The following KPNA1 variants were observed in gnomAD, a reference collection of about 807,000 sequenced individuals.
KPNA1 encodes karyopherin subunit alpha 1.
A neutral mutation model predicts 70.5 loss-of-function variants in KPNA1; 10 were observed. The observed-to-expected ratio is 0.14, with a 90% CI of 0.09 to 0.24. The LOEUF is 0.24. Among genes scored for constraint, KPNA1 ranks in the 10% least tolerant of loss-of-function variants. KPNA1 has a pLI of 1.00. For missense variants in KPNA1, 397 were observed against 637.9 expected, an observed-to-expected ratio of 0.62 and a Z score of 4.07; for synonymous variants, 192 against 221.9, an observed-to-expected ratio of 0.87 and a Z score of 1.20.
intron 5 of KPNA1, chr3:122,457,718 C>G: frequency 7.8e-7 from 1 of 1,286,576 alleles, no homozygotes; most frequent in Non-Finnish European, 1.0e-6. Flanking sequence ...AGCTGAAGTA[C>G]TTCTGACCTC....
intron 5 of KPNA1, chr3:122,459,301 ATATT>A (rs2076297081): frequency 2.8e-6 from 1 of 359,390 alleles, no homozygotes; most frequent in African/African-American, 2.2e-5. Context: ...TATACCATCT[ATATT>A]TAATGCATAA....
In KPNA1 at chr3:122,421,917, C is replaced by G. The variant is rs987848892; in HGVS notation, c.*5068G>C. On this transcript the variant is annotated 3_prime_UTR_variant, in exon 14 of 14. Transcript: ENST00000344337. ...TTCCTTTGAATTTTCTTTTATCAAG[C>G]ACCCTTTACTAACATCACAAAGATG... The G allele has an allele frequency of 2.6e-5, 4 of 152,228 alleles. No homozygotes were observed. The highest frequency in any genetic ancestry group is 9.6e-5 in the African/African-American group (4 of 41,460). 9.4% of individuals were successfully genotyped at this position (152,228 alleles called of 1,614,324 possible).
chr3:122,427,036 C>T lies in KPNA1; in HGVS notation c.1566G>A (p.Gln522=). 6.2e-7 allele frequency: 1 copy of T among 1,614,162 alleles called. No individual in the cohort carries two copies. The change falls in exon 14 of 14, where the codon CAG becomes CAA. Residue 522 remains glutamine, a synonymous_variant. Coordinates refer to ENST00000344337, the MANE Select transcript of KPNA1 (RefSeq NM_002264.4). Reference sequence around the variant, plus strand: ...CCTCACACTGTTGGAAGATGTACTGCTGCTGGTTAAGGTCAACCTGGGGTG... The same window carrying T: ...CCTCACACTGTTGGAAGATGTACTGTTGCTGGTTAAGGTCAACCTGGGGTG... ...SIAPQVDLNQ[Q]QYIFQQCEAP... is the part of the protein sequence containing the mutation.
In KPNA1 at chr3:122,424,517, AT is replaced by A. The variant is rs1274783030; in HGVS notation, c.*2467del. 1 of 152,686 alleles carries A rather than the reference AT, an allele frequency of 6.5e-6. No individual in the cohort carries two copies. Among genetic ancestry groups the A allele is most frequent in the Non-Finnish European group, 1.5e-5 (1 of 68,050 alleles). The allele number at this position is 152,686 out of a possible 1,614,324, so 9.5% of individuals were successfully genotyped here. A position where few individuals can be genotyped will look rare whatever the true frequency, so the allele number is the denominator to read the frequency against. ...AAAAAAAACTTAGATCTTATAGTTC[AT>A]GAACTTCTAGGACAAGATAAATTCC... On this transcript the variant is annotated 3_prime_UTR_variant, in exon 14 of 14. Coordinates refer to ENST00000344337, the MANE Select transcript of KPNA1 (RefSeq NM_002264.4).
chr3:122,449,872 G>T, intron 8 of KPNA1, 135 bp from the exon 9 acceptor site: 1 of 600,608 alleles, frequency 1.7e-6, no homozygotes, highest in Non-Finnish European at 2.9e-6. Context: ...GAAGCAGCAA[G>T]TACCTAAGTG....
intron 2 of KPNA1, among the ~76,000 whole-genome samples, chr3:122,470,958 T>C (rs778419036): frequency 6.6e-5 from 10 of 152,198 alleles, no homozygotes; most frequent in Non-Finnish European, 1.5e-4. Context: ...TAAAAGAGAT[T>C]GTCAGATACA....
At chr3:122,494,930 A>C (rs1437192866) in intron 2 of KPNA1, among the ~76,000 whole-genome samples, 1 of 152,092 alleles carries the variant, frequency 6.6e-6, no homozygotes, top group African/African-American at 2.4e-5. Context: ...CCACTTAAAT[A>C]TATGAATATA....
chr3:122,471,383 A>G (rs2076440349), intron 2 of KPNA1, among the ~76,000 whole-genome samples: 1 of 152,256 alleles, frequency 6.6e-6, no homozygotes. Context: ...AATATTCTAA[A>G]TAAATCGGCA....
At chr3:122,494,118 A>G (rs571959795) in intron 2 of KPNA1, among the ~76,000 whole-genome samples, 1 of 152,166 alleles carries the variant, frequency 6.6e-6, no homozygotes, top group African/African-American at 2.4e-5. Context: ...TAAATACATT[A>G]TTGCTTTTGC....
chr3:122,511,549 T>A (rs1004890427), intron 1 of KPNA1, among the ~76,000 whole-genome samples: 1 of 152,178 alleles, frequency 6.6e-6, no homozygotes, highest in Non-Finnish European at 1.5e-5. Context: ...TCTTCATCCC[T>A]ACTCTTCCAA....
At chr3:122,503,352 G>A (rs2076852277) in intron 1 of KPNA1, among the ~76,000 whole-genome samples, 1 of 152,126 alleles carries the variant, frequency 6.6e-6, no homozygotes, top group Non-Finnish European at 1.5e-5. Flanking sequence ...GAAGTCTCGT[G>A]CACTTCTTAA....
intron 3 of KPNA1, among the ~76,000 whole-genome samples, chr3:122,464,452 C>T (rs2076358882): frequency 6.6e-6 from 1 of 152,178 alleles, no homozygotes; most frequent in Admixed American, 6.5e-5. Context: ...GCCCTTATTA[C>T]ACTCCCAGAT....
chr3:122,431,084 CTTCA>C (rs1270988238), intron 12 of KPNA1, among the ~76,000 whole-genome samples: 1 of 152,134 alleles, frequency 6.6e-6, no homozygotes, highest in East Asian at 1.9e-4. Context: ...AATCCTTATC[CTTCA>C]TTAAGAACAT....
chr3:122,444,880 C>A (rs546437104), intron 9 of KPNA1, among the ~76,000 whole-genome samples: 1 of 152,258 alleles, frequency 6.6e-6, no homozygotes, highest in African/African-American at 2.4e-5. Context: ...GACACCCACA[C>A]CAAAACCTCA....
chr3:122,496,594 C>G, intron 1 of KPNA1, 24 bp from the exon 2 acceptor site: 1 of 1,608,684 alleles, frequency 6.2e-7, no homozygotes, highest in South Asian at 1.1e-5. Flanking sequence ...GGGGAGAGAA[C>G]AAATGAGTTT....
intron 5 of KPNA1, among the ~76,000 whole-genome samples, chr3:122,459,269 T>C (rs911194380): frequency 6.6e-6 from 1 of 152,182 alleles, no homozygotes; most frequent in Non-Finnish European, 1.5e-5. Context: ...CCGACTTTTT[T>C]CATTTTAGAT....
chr3:122,514,370 C>A (rs2076992073), intron 1 of KPNA1: 1 of 152,152 alleles, frequency 6.6e-6, no homozygotes, highest in South Asian at 1.8e-4. Context: ...GGCCCACCCC[C>A]GCCTCCCGCC....
In KPNA1 at chr3:122,461,256, A is replaced by G. The variant is rs772509476; in HGVS notation, c.400T>C (p.Phe134Leu). The G allele has an allele frequency of 6.2e-7, 1 of 1,612,686 alleles. No individual in the cohort carries two copies. Among genetic ancestry groups the G allele is most frequent in the Admixed American group, 1.7e-5 (1 of 59,942 alleles). ...TPGVVARFVE[F>L]LKRKENCTLQ... is the part of the protein sequence containing the mutation. ...GTACAATTCTCTTTTCGTTTGAGGAACTCCACAAACCTGGCCACTACTCCT... is the reference window on the plus strand; with the variant it reads ...GTACAATTCTCTTTTCGTTTGAGGAGCTCCACAAACCTGGCCACTACTCCT... Residue 134 changes from phenylalanine to leucine, a missense_variant, in exon 5 of 14, where the codon TTC becomes CTC. Phe to Leu is a conservative substitution (Grantham distance 22, BLOSUM62 0). Transcript: ENST00000344337.
chr3:122,500,673 G>C (rs1266980906), intron 1 of KPNA1, among the ~76,000 whole-genome samples: 2 of 151,474 alleles, frequency 1.3e-5, no homozygotes, highest in African/African-American at 2.4e-5. Context: ...ATATTGGGCT[G>C]GGGGGCTAGG....
Sources: allele counts gnomAD v4.1 joint callset (sites outside exome capture counted in the v4.1 genomes callset), GRCh38; gene constraint gnomAD v4.1.1; transcripts MANE v1.5; gene names NCBI Gene and HGNC (gene_info 2026-07-23, HGNC 2026-07-21).